Variants in GLCE observed in about 807,000 individuals in gnomAD.
GLCE encodes glucuronic acid epimerase, also known as D-glucuronyl C5-epimerase.
GLCE carries 19 observed loss-of-function variants against 47.9 expected under a neutral mutation model. The observed-to-expected ratio is 0.40, with a 90% CI of 0.28 to 0.58. The LOEUF (loss-of-function observed/expected upper bound fraction) is 0.58, where lower values mean the gene tolerates loss of function less well. GLCE is among the 20% of genes least tolerant of loss of function. The probability of loss-of-function intolerance (pLI) is 0.48; values close to 1 mark genes in which losing one functional copy is unlikely to be tolerated. For synonymous variants in GLCE, 245 were observed against 263.4 expected, an observed-to-expected ratio of 0.93 and a Z score of 0.68; for missense variants, 556 against 743.3, an observed-to-expected ratio of 0.75 and a Z score of 2.93.
At chr15:69,264,382 ATG>A (rs1046944431) in intron 4 of GLCE, among the ~76,000 whole-genome samples, 4 of 151,832 alleles carry the variant, frequency 2.6e-5, no homozygotes, top group African/African-American at 9.7e-5. Flanking sequence ...GTATACACAC[ATG>A]TGTGTGCACG....
intron 2 of GLCE, among the ~76,000 whole-genome samples, chr15:69,251,039 A>C (rs1008532110): frequency 1.3e-5 from 2 of 152,086 alleles, no homozygotes; most frequent in Non-Finnish European, 2.9e-5. Flanking sequence ...TTAAAAAAAC[A>C]CACACAAAAC....
intron 2 of GLCE, among the ~76,000 whole-genome samples, chr15:69,240,445 A>G (rs2052653967): frequency 6.6e-6 from 1 of 152,192 alleles, no homozygotes; most frequent in Admixed American, 6.5e-5. Flanking sequence ...AGAAAATTGT[A>G]GAAAACATTT....
At chr15:69,192,735 A>G (rs547625651) in intron 1 of GLCE, among the ~76,000 whole-genome samples, 114 of 152,196 alleles carry the variant, frequency 7.5e-4, no homozygotes, top group African/African-American at 2.4e-3. Context: ...ATTTTTATGC[A>G]GCTTCAGGGA....
At chr15:69,237,513 G>A (rs565039503) in intron 2 of GLCE, among the ~76,000 whole-genome samples, 7 of 151,842 alleles carry the variant, frequency 4.6e-5, no homozygotes, top group South Asian at 2.1e-4. Flanking sequence ...CAGGAGAATC[G>A]CTTGAACCCA....
intron 2 of GLCE, among the ~76,000 whole-genome samples, chr15:69,222,095 G>A (rs1407373256): frequency 6.6e-6 from 1 of 152,204 alleles, no homozygotes; most frequent in African/African-American, 2.4e-5. Context: ...CCAAGGTTCA[G>A]CTTTACGCTC....
At chr15:69,197,026 C>A in intron 1 of GLCE, 1 of 322,040 alleles carries the variant, frequency 3.1e-6, no homozygotes. Context: ...TCCACTACAG[C>A]TTTCTGAGTT....
chr15:69,191,209 C>G (rs1271043543), intron 1 of GLCE, among the ~76,000 whole-genome samples: 1 of 152,046 alleles, frequency 6.6e-6, no homozygotes, highest in Non-Finnish European at 1.5e-5. Flanking sequence ...TGCAAAAAAT[C>G]TTTCTCAATA....
intron 2 of GLCE, among the ~76,000 whole-genome samples, chr15:69,234,926 G>T (rs2052574553): frequency 6.6e-6 from 1 of 151,942 alleles, no homozygotes; most frequent in Admixed American, 6.6e-5. Flanking sequence ...CAACTTTTAT[G>T]AGATAATAAA....
intron 2 of GLCE, among the ~76,000 whole-genome samples, chr15:69,235,883 C>A (rs2052589119): frequency 6.6e-6 from 1 of 152,158 alleles, no homozygotes; most frequent in Non-Finnish European, 1.5e-5. Flanking sequence ...TAACTACCAG[C>A]ACAACAATCA....
chr15:69,235,544 A>G (rs1411011335), intron 2 of GLCE, among the ~76,000 whole-genome samples: 2 of 152,186 alleles, frequency 1.3e-5, no homozygotes, highest in Non-Finnish European at 2.9e-5. Context: ...TACTTTATAA[A>G]GCAGAAAGTA....
At chr15:69,192,066 G>A (rs948627219) in intron 1 of GLCE, among the ~76,000 whole-genome samples, 1 of 152,112 alleles carries the variant, frequency 6.6e-6, no homozygotes, top group Non-Finnish European at 1.5e-5. Flanking sequence ...TATCCTGCTA[G>A]ATATTGCTTG....
chr15:69,270,390 C>T lies in GLCE; in HGVS notation c.*1146C>T, dbSNP rs1475949958. On this transcript the variant is annotated 3_prime_UTR_variant, in exon 5 of 5. Transcript: ENST00000261858. ...GGATGTTACTGCACTTATGTGTAAT[C>T]AGATCTTTATTTAGGTATACATATC... 2 of 151,886 alleles carry T rather than the reference C, an allele frequency of 1.3e-5. No homozygotes were observed. The highest frequency in any genetic ancestry group is 2.9e-5 in the Non-Finnish European group (2 of 67,976). 9.4% of individuals were successfully genotyped at this position (151,886 alleles called of 1,614,324 possible).
chr15:69,242,460 A>G (rs1401197331), intron 2 of GLCE, among the ~76,000 whole-genome samples: 6 of 152,138 alleles, frequency 3.9e-5, no homozygotes, highest in South Asian at 4.1e-4. Flanking sequence ...ATGTTAAGCT[A>G]AGCTATGCAT....
chr15:69,167,644 A>G (rs1182632506), intron 1 of GLCE, among the ~76,000 whole-genome samples: 2 of 152,172 alleles, frequency 1.3e-5, no homozygotes, highest in African/African-American at 4.8e-5. Context: ...GGCAGTTTAT[A>G]TCTAATTGCA....
At chr15:69,247,011 A>T (rs1315130356) in intron 2 of GLCE, among the ~76,000 whole-genome samples, 4 of 152,190 alleles carry the variant, frequency 2.6e-5, no homozygotes, top group Non-Finnish European at 5.9e-5. Flanking sequence ...GAGTAGATTT[A>T]GCATAATTCT....
At chr15:69,195,823 C>CTTGG (rs935631282) in intron 1 of GLCE, among the ~76,000 whole-genome samples, 7 of 152,066 alleles carry the variant, frequency 4.6e-5, no homozygotes, top group Admixed American at 3.9e-4. Flanking sequence ...AGAGAATTCC[C>CTTGG]TTGGTTGGTT....
At chr15:69,169,313 G>T (rs1566945474) in intron 1 of GLCE, among the ~76,000 whole-genome samples, 2 of 151,958 alleles carry the variant, frequency 1.3e-5, no homozygotes, top group East Asian at 3.9e-4. Context: ...GTGTTTTGGT[G>T]GCCATAAAAA....
intron 2 of GLCE, among the ~76,000 whole-genome samples, chr15:69,226,934 A>G (rs1268871013): frequency 6.6e-6 from 1 of 151,636 alleles, no homozygotes; most frequent in South Asian, 2.1e-4. Flanking sequence ...TAGTAGAGAT[A>G]GGGTTTCGCC....
intron 1 of GLCE, among the ~76,000 whole-genome samples, chr15:69,179,661 A>G (rs2051723131): frequency 6.6e-6 from 1 of 152,158 alleles, no homozygotes. Context: ...AGGGGAGATA[A>G]TAGAGATATA....
Sources: gnomAD v4.1 joint callset for allele counts (sites outside exome capture counted in the v4.1 genomes callset) on GRCh38, gnomAD v4.1.1 for gene constraint, MANE v1.5 for transcripts, NCBI Gene and HGNC (gene_info 2026-07-23, HGNC 2026-07-21) for gene names.